Variants in NLGN1 observed in about 807,000 individuals in gnomAD.
NLGN1 encodes the protein neuroligin-1.
A neutral mutation model predicts 65.5 loss-of-function variants in NLGN1; 12 were observed. The ratio of observed to expected loss-of-function variants is 0.18; its 90% CI spans 0.12 to 0.30. The LOEUF is 0.30. Among genes scored for constraint, NLGN1 ranks in the 10% least tolerant of loss-of-function variants. The pLI, the probability that NLGN1 is intolerant of heterozygous loss-of-function variation, is 1.00. For missense variants in NLGN1, 750 were observed against 1,007.1 expected, an observed-to-expected ratio of 0.74 and a Z score of 3.46; for synonymous variants, 350 against 359.5, an observed-to-expected ratio of 0.97 and a Z score of 0.30.
intron 4 of NLGN1, among the ~76,000 whole-genome samples, chr3:173,991,277 A>G (rs900155731): frequency 1.3e-5 from 2 of 152,198 alleles, no homozygotes; most frequent in African/African-American, 2.4e-5. Flanking sequence ...GATATAATTT[A>G]ATAGAAAATA....
chr3:174,177,052 A>AAAC (rs138652087), intron 4 of NLGN1, among the ~76,000 whole-genome samples: 16,091 of 152,086 alleles, frequency 0.11, 974 homozygotes, highest in South Asian at 0.22. Flanking sequence ...GGCTATCATA[A>AAAC]AACTAAGTTA....
intron 4 of NLGN1, among the ~76,000 whole-genome samples, chr3:174,033,194 A>G (rs1730405760): frequency 1.3e-5 from 2 of 152,160 alleles, no homozygotes; most frequent in Admixed American, 1.3e-4. Flanking sequence ...GATGCAAGAC[A>G]CAGACTTTCT....
intron 4 of NLGN1, among the ~76,000 whole-genome samples, chr3:174,102,595 C>T (rs193027469): frequency 1.3e-5 from 2 of 152,106 alleles, no homozygotes; most frequent in African/African-American, 4.8e-5. Flanking sequence ...AATAAAAACT[C>T]TTCTGGTTAA....
At chr3:174,092,177 T>C (rs907608246) in intron 4 of NLGN1, among the ~76,000 whole-genome samples, 3 of 152,160 alleles carry the variant, frequency 2.0e-5, no homozygotes, top group Non-Finnish European at 2.9e-5. Flanking sequence ...CAGAAACAGA[T>C]GACTCTTCAG....
chr3:173,555,468 T>G (rs1027665297), intron 2 of NLGN1, among the ~76,000 whole-genome samples: 1 of 152,156 alleles, frequency 6.6e-6, no homozygotes, highest in African/African-American at 2.4e-5. Context: ...TCTCAACCTT[T>G]TTTTATTTGT....
At chr3:173,426,146 G>A (rs1716058983) in intron 1 of NLGN1, among the ~76,000 whole-genome samples, 1 of 151,212 alleles carries the variant, frequency 6.6e-6, no homozygotes, top group Non-Finnish European at 1.5e-5. Context: ...TTGGAATATA[G>A]AAATACTACT....
At chr3:173,914,461 AAC>A (rs370972092) in intron 4 of NLGN1, among the ~76,000 whole-genome samples, 1 of 151,630 alleles carries the variant, frequency 6.6e-6, no homozygotes, top group Admixed American at 6.6e-5. Context: ...ATAGAGGAGA[AAC>A]ACACACACAC....
At chr3:173,812,553 T>C (rs1025776175) in intron 4 of NLGN1, among the ~76,000 whole-genome samples, 1 of 151,662 alleles carries the variant, frequency 6.6e-6, no homozygotes, top group Non-Finnish European at 1.5e-5. Context: ...AATGGTGAGA[T>C]TGTGTCTCTA....
chr3:173,926,683 G>A (rs966140653), intron 4 of NLGN1, among the ~76,000 whole-genome samples: 2 of 152,158 alleles, frequency 1.3e-5, no homozygotes, highest in African/African-American at 4.8e-5. Context: ...ACCTTGTAAT[G>A]TTCCATGTTT....
intron 3 of NLGN1, among the ~76,000 whole-genome samples, chr3:173,675,733 A>G (rs535004203): frequency 9.2e-5 from 14 of 152,102 alleles, no homozygotes; most frequent in Non-Finnish European, 1.9e-4. Flanking sequence ...AATGCAAAAC[A>G]AGGATCTTTA....
intron 4 of NLGN1, among the ~76,000 whole-genome samples, chr3:174,076,249 T>C (rs1740872208): frequency 6.6e-6 from 1 of 152,160 alleles, no homozygotes; most frequent in Admixed American, 6.5e-5. Flanking sequence ...TTTCTTTACA[T>C]ATATGTATAT....
intron 4 of NLGN1, among the ~76,000 whole-genome samples, chr3:173,945,214 T>C (rs929985718): frequency 3.9e-5 from 6 of 151,962 alleles, no homozygotes; most frequent in Non-Finnish European, 8.8e-5. Flanking sequence ...CTGGTCTCCC[T>C]TTAGAGGGGG....
intron 2 of NLGN1, among the ~76,000 whole-genome samples, chr3:173,529,757 G>A (rs1036082124): frequency 1.3e-5 from 2 of 152,084 alleles, no homozygotes; most frequent in African/African-American, 2.4e-5. Context: ...TAACCTGTTC[G>A]TCAATGCAGT....
intron 3 of NLGN1, among the ~76,000 whole-genome samples, chr3:173,802,073 C>T (rs1715560333): frequency 6.6e-6 from 1 of 152,018 alleles, no homozygotes; most frequent in African/African-American, 2.4e-5. Flanking sequence ...CAAATTTTCC[C>T]CATTTAGGCA....
chr3:173,770,164 T>G (rs1037079677), intron 3 of NLGN1, among the ~76,000 whole-genome samples: 1 of 152,232 alleles, frequency 6.6e-6, no homozygotes, highest in African/African-American at 2.4e-5. Context: ...TTTTGCTTAT[T>G]CATTTATTCT....
chr3:173,675,051 T>C (rs1762937189), intron 3 of NLGN1, among the ~76,000 whole-genome samples: 1 of 152,106 alleles, frequency 6.6e-6, no homozygotes, highest in South Asian at 2.1e-4. Context: ...GAAGTTTTGA[T>C]TGACAGCTGT....
rs1743237425 is a variant in NLGN1 at position 173,927,551 on chromosome 3, A to G, written c.646+119719A>G. On this transcript the variant is annotated intron_variant, in intron 4 of 6. Transcript: ENST00000457714. ...GGCTACTATACACTTCTTCCCATTC[A>G]CTGCTCAGGCTACTTCTGGCTGTTT... 4.6e-5 allele frequency among the ~76,000 whole-genome samples: 7 copies of G among 152,006 alleles called. No homozygotes were observed. In the South Asian group the frequency reaches 1.5e-3, roughly 32 times the overall value.
chr3:173,629,700 C>T (rs1228202813), intron 3 of NLGN1, among the ~76,000 whole-genome samples: 1 of 152,002 alleles, frequency 6.6e-6, no homozygotes, highest in African/African-American at 2.4e-5. Context: ...TCCTTTGAAT[C>T]ATGTATGCAT....
At chr3:174,114,750 T>G (rs1452519748) in intron 4 of NLGN1, among the ~76,000 whole-genome samples, 1 of 152,138 alleles carries the variant, frequency 6.6e-6, no homozygotes, top group Admixed American at 6.6e-5. Context: ...TTCCACCTCA[T>G]AGATGTACCC....
Sources: allele counts gnomAD v4.1 joint callset (sites outside exome capture counted in the v4.1 genomes callset), GRCh38; gene constraint gnomAD v4.1.1; transcripts MANE v1.5; gene names NCBI Gene and HGNC (gene_info 2026-07-23, HGNC 2026-07-21).